PITRM1: variants seen among roughly 807,000 people sequenced by gnomAD.
PITRM1 encodes presequence protease, mitochondrial.
In PITRM1, 100 loss-of-function variants were observed where a neutral mutation model predicts 129.9. The ratio of observed to expected loss-of-function variants is 0.77; its 90% CI spans 0.65 to 0.91. PITRM1 has a LOEUF of 0.91. Among genes scored for constraint, PITRM1 ranks in the 40% least tolerant of loss-of-function variants. The pLI is 0.00. For synonymous variants in PITRM1, 591 were observed against 508.8 expected (o/e 1.16, Z -2.17); for missense variants, 1,471 against 1,318.3 (o/e 1.12, Z -1.79).
At position 3,162,158 on chromosome 10, in the gene PITRM1, T is replaced by TAAA. The variant is rs756979093; in HGVS notation, c.791+1564_791+1566dup. Among the ~76,000 whole-genome samples, 165 of 61,138 alleles carry TAAA rather than the reference T, an allele frequency of 2.7e-3. 2 individuals are homozygous for TAAA. The highest frequency in any genetic ancestry group is 7.4e-3 in the Middle Eastern group (1 of 136). 40.1% of individuals were successfully genotyped at this position (61,138 alleles called of 152,430 possible). On this transcript the variant is annotated intron_variant, in intron 7 of 26. Transcript: ENST00000224949. ...GGGGGACAGAACCAGACCCTGTCTT[T>TAAA]AAAAAAAAAAAAAAAAAAAAACAAG... is the stretch of plus-strand genomic sequence containing the variant.
chr10:3,140,202 C>T (rs1250141699), intron 24 of PITRM1, among the ~76,000 whole-genome samples: 1 of 152,190 alleles, frequency 6.6e-6, no homozygotes, highest in Non-Finnish European at 1.5e-5. Context: ...GTTCTGTGAA[C>T]AGAAGCTCTT....
intron 14 of PITRM1, among the ~76,000 whole-genome samples, chr10:3,153,543 C>T (rs1841702909): frequency 6.6e-6 from 1 of 151,622 alleles, no homozygotes; most frequent in Admixed American, 6.6e-5. Flanking sequence ...GACGTGAATC[C>T]GGGAGGGGGA....
At chr10:3,140,416 G>A (rs549815348) in intron 24 of PITRM1, among the ~76,000 whole-genome samples, 103 of 152,332 alleles carry the variant, frequency 6.8e-4, no homozygotes, top group Non-Finnish European at 1.2e-3. Context: ...GCAAACCCAC[G>A]GATGGAGGCA....
Position 3,158,131 on chromosome 10 carries a change from C to G in PITRM1, c.1159G>C (p.Ala387Pro), listed in dbSNP as rs765319643. ...DVGYNGYTRE[A>P]YFSVGLQGIA... ...CCTTGGAGGCCGACACTAAAGTAGG[C>G]CTCCCTCGTGTAGCCATTATATCTA... Residue 387 changes from alanine to proline, a missense_variant, in exon 11 of 27, where the codon GCC becomes CCC. Transcript: ENST00000224949. 3.1e-6 allele frequency: 5 copies of G among 1,604,708 alleles called. No homozygotes were observed. In the South Asian group the frequency reaches 5.5e-5, roughly 18 times the overall value.
chr10:3,172,675 C>A, intron 1 of PITRM1, 42 bp downstream of exon 1: 2 of 1,519,820 alleles, frequency 1.3e-6, no homozygotes, highest in Non-Finnish European at 8.8e-7. Flanking sequence ...CCTCCCCTCC[C>A]GGGTACCAGC....
chr10:3,165,404 A>G lies in PITRM1; in HGVS notation c.533+9T>C. The G allele has an allele frequency of 1.9e-6, 3 of 1,609,904 alleles. No homozygotes were observed. The highest frequency in any genetic ancestry group is 2.5e-6 in the Non-Finnish European group (3 of 1,177,330). Reference sequence around the variant, plus strand: ...GTCTGTATCAACTAGTTAATCATTCATGACATACCAGAAATCCAGCTCGCG... The same window carrying G: ...GTCTGTATCAACTAGTTAATCATTCGTGACATACCAGAAATCCAGCTCGCG... On this transcript the variant is annotated intron_variant, in intron 5 of 26. Transcript: ENST00000224949.
chr10:3,145,673 T>C lies in PITRM1; in HGVS notation c.2380A>G (p.Lys794Glu), dbSNP rs373236884. Residue 794 changes from lysine (K) to glutamate (E), a missense_variant, in exon 21 of 27, where the codon AAA becomes GAA. Coordinates refer to ENST00000224949, the MANE Select transcript of PITRM1 (RefSeq NM_014889.4). The stretch of plus-strand genomic sequence containing the variant: ...CTTCTAAGGAAGTCTTCGACCGCTT[T>C]TTCTGTCTGAGGCATCTGCTGAGGA... ...ATPQQMPQTE[K>E]AVEDFLRSIG... is the part of the protein sequence containing the mutation. 7.7e-6 allele frequency: 12 copies of C among 1,551,358 alleles called. No individual in the cohort carries two copies. In the African/African-American group the frequency reaches 1.5e-4, roughly 19 times the overall value.
chr10:3,156,567 C>A (rs148482682), intron 13 of PITRM1, among the ~76,000 whole-genome samples: 1 of 152,186 alleles, frequency 6.6e-6, no homozygotes, highest in Non-Finnish European at 1.5e-5. Context: ...AGAAAACAAA[C>A]GCGCAAGCAT....
intron 15 of PITRM1, among the ~76,000 whole-genome samples, chr10:3,150,372 A>C (rs550907657): frequency 6.6e-6 from 1 of 152,320 alleles, no homozygotes; most frequent in Admixed American, 6.5e-5. Flanking sequence ...GATCAGAGAG[A>C]TGTCAGCCTC....
intron 2 of PITRM1, among the ~76,000 whole-genome samples, chr10:3,169,768 G>T (rs1843184893): frequency 6.6e-6 from 1 of 152,242 alleles, no homozygotes; most frequent in Non-Finnish European, 1.5e-5. Context: ...TGACTAAACA[G>T]ATCAGGGCAG....
intron 22 of PITRM1, 31 bp from the exon 23 acceptor site, chr10:3,143,532 G>A: frequency 6.8e-7 from 1 of 1,470,878 alleles, no homozygotes; most frequent in Non-Finnish European, 9.5e-7. Flanking sequence ...AGAGGCGGCT[G>A]TGCTGCCATG....
At position 3,172,741 on chromosome 10, in the gene PITRM1, C is replaced by G; in HGVS notation, c.32G>C (p.Cys11Ser). 1 of 1,545,960 alleles carries G rather than the reference C, an allele frequency of 6.5e-7. No homozygotes were observed. Among genetic ancestry groups the G allele is most frequent in the Admixed American group, 2.0e-5 (1 of 50,866 alleles). Residue 11 changes from cysteine to serine, a missense_variant, in exon 1 of 27, where the codon TGT (cysteine) becomes TCT (serine). Transcript: ENST00000224949. Reference protein sequence around the residue: MWRCGGRQGLCVLRRLSGGHA... With the variant: MWRCGGRQGLSVLRRLSGGHA... Reference sequence around the variant, plus strand: ...CCCGCCGCTCAGCCGCCTCAGCACACACAGGCCCTGCCGCCCGCCGCAGCG... The same window carrying G: ...CCCGCCGCTCAGCCGCCTCAGCACAGACAGGCCCTGCCGCCCGCCGCAGCG...
chr10:3,171,378 C>T (rs935634083), intron 1 of PITRM1, among the ~76,000 whole-genome samples: 1 of 150,290 alleles, frequency 6.7e-6, no homozygotes, highest in Non-Finnish European at 1.5e-5. Context: ...ATGTTATGAC[C>T]GTGATAATCT....
At chr10:3,147,802 A>G (rs1588655451) in intron 18 of PITRM1, 65 bp from the exon 19 acceptor site, 5 of 1,439,574 alleles carry the variant, frequency 3.5e-6, no homozygotes, top group East Asian at 4.6e-5. Flanking sequence ...AGTATCATGG[A>G]AAGTTGATTA....
chr10:3,172,789 C>A (rs747853418), upstream of PITRM1: 1 of 1,506,944 alleles, frequency 6.6e-7, no homozygotes, highest in Non-Finnish European at 8.9e-7. Flanking sequence ...TGACGAGCAC[C>A]TGGCTGGCGA....
rs1326070154 is a variant in PITRM1, at chr10:3,155,686, T to C, written c.1526A>G (p.Lys509Arg). The change falls in exon 14 of 27, where the codon AAG becomes AGG. Residue 509 changes from lysine to arginine, a missense_variant. By Grantham distance (26) the Lys-to-Arg change is conservative (BLOSUM62 2). Coordinates refer to ENST00000224949, the MANE Select transcript of PITRM1 (RefSeq NM_014889.4). ...KLTLSMRPDD[K>R]YHEKQAQVEA... ...CACCTGTGCCTGCTTCTCGTGATAC[T>C]TGTCATCTGGCCTCATCGATAAAGT... 5 of 1,613,820 alleles carry C rather than the reference T, an allele frequency of 3.1e-6. No homozygotes were observed. The highest frequency in any genetic ancestry group is 2.7e-5 in the African/African-American group (2 of 74,898).
intron 7 of PITRM1, among the ~76,000 whole-genome samples, chr10:3,161,691 G>A (rs1254739244): frequency 6.6e-6 from 1 of 152,014 alleles, no homozygotes. Context: ...GGGTGGGGGC[G>A]TAGAAACCAA....
At chr10:3,142,664 C>T (rs149507684) in intron 23 of PITRM1, among the ~76,000 whole-genome samples, 2,266 of 152,344 alleles carry the variant, frequency 0.015, 24 homozygotes, top group Non-Finnish European at 0.024. Context: ...CTCCCTCGCC[C>T]CACGCCACTT....
rs1385857434 is a variant in PITRM1 at position 3,164,133 on chromosome 10, G to C, written c.631-248C>G. 3 of 236,908 alleles carry C rather than the reference G, an allele frequency of 1.3e-5. No homozygotes were observed. In the East Asian group the frequency reaches 2.9e-4, roughly 23 times the overall value. 14.7% of individuals were successfully genotyped at this position (236,908 alleles called of 1,614,324 possible). A position where few individuals can be genotyped will look rare whatever the true frequency, so the allele number is the denominator to read the frequency against. On this transcript the variant is annotated intron_variant, in intron 6 of 26. Coordinates refer to ENST00000224949, the MANE Select transcript of PITRM1 (RefSeq NM_014889.4). ...AGAAGAACAATGGATTTTTTGATGT[G>C]TGGTGCAACAAACGCATAGCTGAGG... is the stretch of plus-strand genomic sequence containing the variant.
Sources: allele counts gnomAD v4.1 joint callset (sites outside exome capture counted in the v4.1 genomes callset), GRCh38; gene constraint gnomAD v4.1.1; transcripts MANE v1.5; gene names NCBI Gene and HGNC (gene_info 2026-07-23, HGNC 2026-07-21).